The following NAALAD2 variants were observed in gnomAD, a reference collection of about 807,000 sequenced individuals.
The protein encoded by NAALAD2 is N-acetylated alpha-linked acidic dipeptidase 2.
Under a neutral mutation model 95.6 loss-of-function variants are expected in NAALAD2, and 89 were observed. The ratio of observed to expected loss-of-function variants is 0.93; its 90% confidence interval spans 0.78 to 1.11. The LOEUF (loss-of-function observed/expected upper bound fraction) is 1.11, where lower values mean the gene tolerates loss of function less well. NAALAD2 is among the 50% of genes least tolerant of loss of function. The pLI is 0.00. For synonymous variants in NAALAD2, 264 were observed against 294.4 expected (o/e 0.90, Z 1.06); for missense variants, 894 against 872.4 (o/e 1.02, Z -0.31).
intron 16 of NAALAD2, among the ~76,000 whole-genome samples, chr11:90,178,514 A>G (rs1952868267): frequency 1.3e-5 from 2 of 152,226 alleles, no homozygotes; most frequent in African/African-American, 4.8e-5. Flanking sequence ...TACTGAAAAT[A>G]CAAAAAACTA....
At chr11:90,159,385 T>A (rs947635577) in intron 8 of NAALAD2, 48 bp downstream of exon 8, 1 of 1,343,032 alleles carries the variant, frequency 7.4e-7, no homozygotes, top group African/African-American at 1.4e-5. Flanking sequence ...ATATTTTTAA[T>A]GGAAACATGT....
chr11:90,185,889 TTTTA>T (rs1857126695), intron 18 of NAALAD2, among the ~76,000 whole-genome samples: 1 of 149,310 alleles, frequency 6.7e-6, no homozygotes, highest in Non-Finnish European at 1.5e-5. Flanking sequence ...ACATTTAAAA[TTTTA>T]TTTGTTTTCA....
At chr11:90,159,101 G>A (rs1242850879) in intron 7 of NAALAD2, 138 bp from the exon 8 acceptor site, 2 of 678,672 alleles carry the variant, frequency 2.9e-6, no homozygotes, top group South Asian at 3.4e-5. Flanking sequence ...CAAAGGGCGG[G>A]CTTTTTGACA....
At chr11:90,177,409 C>CAA (rs1419271865) in intron 15 of NAALAD2, among the ~76,000 whole-genome samples, 4 of 149,278 alleles carry the variant, frequency 2.7e-5, no homozygotes, top group Non-Finnish European at 5.9e-5. Flanking sequence ...ATCGAAGATA[C>CAA]AAGGAGAAAA....
chr11:90,170,525 T>C (rs567901696), intron 13 of NAALAD2, among the ~76,000 whole-genome samples: 1 of 152,318 alleles, frequency 6.6e-6, no homozygotes, highest in East Asian at 1.9e-4. Context: ...TTCTACAAAA[T>C]GAATTATAGC....
chr11:90,157,925 T>C (rs551616110), intron 6 of NAALAD2, among the ~76,000 whole-genome samples: 1 of 152,296 alleles, frequency 6.6e-6, no homozygotes, highest in East Asian at 1.9e-4. Flanking sequence ...TTCACCATGT[T>C]GGCCAGGATG....
intron 2 of NAALAD2, among the ~76,000 whole-genome samples, chr11:90,140,230 G>A (rs896552457): frequency 6.6e-6 from 1 of 152,080 alleles, no homozygotes; most frequent in African/African-American, 2.4e-5. Flanking sequence ...TATTACTGTA[G>A]TACACAATGT....
chr11:90,155,066 ATGTATATAT>A (rs1952016625), intron 6 of NAALAD2, among the ~76,000 whole-genome samples: 4 of 124,024 alleles, frequency 3.2e-5, no homozygotes, highest in African/African-American at 1.4e-4. Flanking sequence ...ACATATACAT[ATGTATATAT>A]GTGTGTATAT....
At chr11:90,178,145 C>T (rs1952858268) in intron 16 of NAALAD2, 28 bp downstream of exon 16, 1 of 1,588,914 alleles carries the variant, frequency 6.3e-7, no homozygotes. Context: ...AGATATTTTA[C>T]AGTCTTTAAG....
chr11:90,135,306 T>G (rs747181555), intron 1 of NAALAD2, among the ~76,000 whole-genome samples: 72 of 152,212 alleles, frequency 4.7e-4, no homozygotes, highest in Non-Finnish European at 1.0e-4. Flanking sequence ...AGCCATGCCT[T>G]CATGCATAAC....
At chr11:90,159,375 A>T in intron 8 of NAALAD2, 38 bp downstream of exon 8, 4 of 1,420,500 alleles carry the variant, frequency 2.8e-6, no homozygotes, top group Non-Finnish European at 4.0e-6. Context: ...AAAAAGTTTT[A>T]TATTTTTAAT....
chr11:90,167,586 G>C (rs554975186), intron 11 of NAALAD2, among the ~76,000 whole-genome samples: 1 of 152,300 alleles, frequency 6.6e-6, no homozygotes, highest in Admixed American at 6.5e-5. Context: ...GATCCACTGA[G>C]TGAAGCCAGC....
intron 8 of NAALAD2, among the ~76,000 whole-genome samples, chr11:90,161,883 T>A (rs1225022529): frequency 6.6e-6 from 1 of 151,816 alleles, no homozygotes; most frequent in Non-Finnish European, 1.5e-5. Flanking sequence ...AATTTTCATC[T>A]GTCAGTAGCA....
intron 18 of NAALAD2, among the ~76,000 whole-genome samples, chr11:90,183,381 T>C (rs1297244847): frequency 6.6e-6 from 1 of 152,156 alleles, no homozygotes; most frequent in East Asian, 1.9e-4. Context: ...AGAAGCTTAC[T>C]ACTTCATGAG....
chr11:90,152,870 C>CCAATAGATTGT (rs11270311), intron 6 of NAALAD2, among the ~76,000 whole-genome samples: 1 of 151,636 alleles, frequency 6.6e-6, no homozygotes, highest in East Asian at 1.9e-4. Flanking sequence ...TTTTGAATTA[C>CCAATAGATTGT]ATTTTTTAAA....
intron 13 of NAALAD2, among the ~76,000 whole-genome samples, chr11:90,171,938 G>A (rs1392590188): frequency 2.0e-5 from 3 of 152,144 alleles, no homozygotes; most frequent in Non-Finnish European, 4.4e-5. Context: ...AGCTGAGGCA[G>A]TAGGATCACC....
chr11:90,189,063 G>A (rs1355139792), intron 18 of NAALAD2, among the ~76,000 whole-genome samples: 2 of 152,208 alleles, frequency 1.3e-5, no homozygotes, highest in Non-Finnish European at 2.9e-5. Context: ...GCAGTCACAA[G>A]GGTCCTTAAA....
intron 13 of NAALAD2, among the ~76,000 whole-genome samples, chr11:90,171,423 G>T (rs937463484): frequency 6.6e-6 from 1 of 152,058 alleles, no homozygotes; most frequent in African/African-American, 2.4e-5. Flanking sequence ...TCCTTTCATT[G>T]GAATGTTCCA....
At chr11:90,168,697 TA>T (rs1298035788) in intron 11 of NAALAD2, among the ~76,000 whole-genome samples, 6 of 152,156 alleles carry the variant, frequency 3.9e-5, no homozygotes, top group Admixed American at 3.9e-4. Context: ...GCTATTGCTA[TA>T]AACAGTAGCT....
Sources: gnomAD v4.1 joint callset for allele counts (sites outside exome capture counted in the v4.1 genomes callset) on GRCh38, gnomAD v4.1.1 for gene constraint, MANE v1.5 for transcripts, NCBI Gene and HGNC (gene_info 2026-07-23, HGNC 2026-07-21) for gene names.